Variants in GRM8 observed in about 807,000 individuals in gnomAD.
GRM8 encodes glutamate metabotropic receptor 8, also known as metabotropic glutamate receptor 8.
In GRM8, 47 loss-of-function variants were observed where a neutral mutation model predicts 87.2. That is an observed-to-expected ratio of 0.54 (90% CI 0.43 to 0.69). GRM8 has a LOEUF of 0.69. Among genes scored for constraint, GRM8 ranks in the 30% least tolerant of loss-of-function variants. The probability of loss-of-function intolerance (pLI) is 0.00; values close to 1 mark genes in which losing one functional copy is unlikely to be tolerated. For missense variants in GRM8, 1,019 were observed against 1,139.2 expected, an observed-to-expected ratio of 0.89 and a Z score of 1.52; for synonymous variants, 396 against 404.5, an observed-to-expected ratio of 0.98 and a Z score of 0.25.
chr7:126,586,580 A>C (rs1039872132), intron 8 of GRM8, among the ~76,000 whole-genome samples: 5 of 152,246 alleles, frequency 3.3e-5, no homozygotes, highest in African/African-American at 4.8e-5. Flanking sequence ...AGAAATGGGG[A>C]AAGGATTCCC....
chr7:126,634,806 T>A (rs550428353), intron 7 of GRM8, among the ~76,000 whole-genome samples: 1 of 152,316 alleles, frequency 6.6e-6, no homozygotes, highest in African/African-American at 2.4e-5. Flanking sequence ...AGCCTTTACT[T>A]AAGACAATAC....
intron 6 of GRM8, among the ~76,000 whole-genome samples, chr7:126,819,438 T>A (rs905954599): frequency 6.6e-6 from 1 of 152,288 alleles, no homozygotes; most frequent in Admixed American, 6.5e-5. Flanking sequence ...ATTTGTTGTG[T>A]CTATTGCCTC....
intron 6 of GRM8, among the ~76,000 whole-genome samples, chr7:126,820,215 T>G (rs1041741154): frequency 3.9e-5 from 6 of 152,334 alleles, no homozygotes; most frequent in African/African-American, 1.4e-4. Context: ...GAAATACACC[T>G]ATTGAATAAA....
intron 2 of GRM8, among the ~76,000 whole-genome samples, chr7:127,168,456 G>T (rs540097448): frequency 6.6e-6 from 1 of 152,142 alleles, no homozygotes; most frequent in Non-Finnish European, 1.5e-5. Context: ...ATTCCTTAAG[G>T]ATCTAGAAGT....
At chr7:126,840,861 T>G (rs887162260) in intron 6 of GRM8, among the ~76,000 whole-genome samples, 2 of 152,240 alleles carry the variant, frequency 1.3e-5, no homozygotes, top group African/African-American at 4.8e-5. Flanking sequence ...TTATAAACAA[T>G]GTTTGTTAGA....
chr7:127,190,713 T>C (rs544244211), intron 2 of GRM8, among the ~76,000 whole-genome samples: 3 of 152,284 alleles, frequency 2.0e-5, no homozygotes, highest in African/African-American at 7.2e-5. Context: ...ATTGCAAAGA[T>C]GGAACCCATG....
intron 8 of GRM8, among the ~76,000 whole-genome samples, chr7:126,559,499 G>C (rs1398724945): frequency 6.6e-6 from 1 of 152,128 alleles, no homozygotes; most frequent in Non-Finnish European, 1.5e-5. Flanking sequence ...GACACTAGTT[G>C]GTAAGCTGTT....
chr7:126,975,745 G>A (rs1338783659), intron 3 of GRM8, among the ~76,000 whole-genome samples: 1 of 152,162 alleles, frequency 6.6e-6, no homozygotes, highest in Non-Finnish European at 1.5e-5. Flanking sequence ...TAGTCTCCAT[G>A]CACATGAGTT....
intron 6 of GRM8, among the ~76,000 whole-genome samples, chr7:126,810,556 A>G (rs190163891): frequency 6.6e-6 from 1 of 152,304 alleles, no homozygotes; most frequent in Non-Finnish European, 1.5e-5. Context: ...CTTACACAGT[A>G]CAGACATTAC....
intron 9 of GRM8, among the ~76,000 whole-genome samples, chr7:126,518,244 A>G (rs1314321592): frequency 6.6e-6 from 1 of 152,104 alleles, no homozygotes; most frequent in East Asian, 1.9e-4. Context: ...ACTTTACACA[A>G]TAACTTTTCT....
intron 7 of GRM8, among the ~76,000 whole-genome samples, chr7:126,709,447 A>G (rs1275592508): frequency 2.0e-5 from 3 of 150,988 alleles, no homozygotes; most frequent in African/African-American, 7.3e-5. Context: ...AGGAGGAAGA[A>G]GAGGAAGAAG....
intron 3 of GRM8, among the ~76,000 whole-genome samples, chr7:127,093,094 T>A (rs906792427): frequency 6.6e-6 from 1 of 152,178 alleles, no homozygotes; most frequent in African/African-American, 2.4e-5. Flanking sequence ...AGGGGTCAAG[T>A]AGTTATTATG....
intron 3 of GRM8, among the ~76,000 whole-genome samples, chr7:127,015,230 A>G (rs139793617): frequency 1.3e-4 from 18 of 137,844 alleles, no homozygotes; most frequent in African/African-American, 4.9e-4. Context: ...GAAGAAGAAG[A>G]AGAAGAAGAA....
At chr7:126,834,234 A>G (rs1346066080) in intron 6 of GRM8, among the ~76,000 whole-genome samples, 4 of 152,152 alleles carry the variant, frequency 2.6e-5, no homozygotes, top group Non-Finnish European at 5.9e-5. Context: ...GCAAAAGGAA[A>G]ACACCTGGCT....
In GRM8 at chr7:126,587,978, T is replaced by C. The variant is rs78734977; in HGVS notation, c.1494+21384A>G. On this transcript the variant is annotated intron_variant, in intron 8 of 10. Coordinates refer to ENST00000339582, the MANE Select transcript of GRM8 (RefSeq NM_000845.3). ...GTATGTTCTTAGTAGGGGATTTATA[T>C]AGCATATGACAACTGCGGTCTCCTC... 7.9e-3 allele frequency among the ~76,000 whole-genome samples: 1,203 copies of C among 151,936 alleles called. 7 individuals carry two copies. The highest frequency in any genetic ancestry group is 0.014 in the Middle Eastern group (4 of 292).
chr7:127,036,577 C>A (rs1441391941), intron 3 of GRM8, among the ~76,000 whole-genome samples: 1 of 152,158 alleles, frequency 6.6e-6, no homozygotes, highest in African/African-American at 2.4e-5. Flanking sequence ...ACCCTGGGAT[C>A]CCCATAGTAT....
intron 2 of GRM8, among the ~76,000 whole-genome samples, chr7:127,122,645 T>A (rs1587079516): frequency 6.6e-6 from 1 of 152,080 alleles, no homozygotes; most frequent in East Asian, 1.9e-4. Context: ...TAGTTTGACA[T>A]TTAAGAATAT....
intron 2 of GRM8, among the ~76,000 whole-genome samples, chr7:127,131,061 T>C (rs1320154269): frequency 6.6e-6 from 1 of 152,208 alleles, no homozygotes; most frequent in Non-Finnish European, 1.5e-5. Context: ...TGTCTGAGCA[T>C]GTGTTGCCCA....
At chr7:127,237,712 C>T (rs955553036) in intron 2 of GRM8, among the ~76,000 whole-genome samples, 23 of 152,164 alleles carry the variant, frequency 1.5e-4, no homozygotes, top group African/African-American at 5.3e-4. Flanking sequence ...ACTATCTAAC[C>T]CCTATCCTTC....
Sources: gnomAD v4.1 joint callset for allele counts (sites outside exome capture counted in the v4.1 genomes callset) on GRCh38, gnomAD v4.1.1 for gene constraint, MANE v1.5 for transcripts, NCBI Gene and HGNC (gene_info 2026-07-23, HGNC 2026-07-21) for gene names.